MAGEA4: variants seen among roughly 807,000 people sequenced by gnomAD.
MAGEA4 encodes the protein melanoma-associated antigen 4.
A neutral mutation model predicts 13.7 loss-of-function variants in MAGEA4; 1 was observed. The observed-to-expected ratio is 0.07, with a 90% confidence interval of 0.03 to 0.35. The LOEUF (loss-of-function observed/expected upper bound fraction) is 0.35, where lower values mean the gene tolerates loss of function less well. Ranked by LOEUF, MAGEA4 falls within the 10% of genes least tolerant of loss-of-function variation. MAGEA4 has a pLI of 0.99. For synonymous variants in MAGEA4, 132 were observed against 101.1 expected (o/e 1.31, Z -1.83); for missense variants, 312 against 245.1 (o/e 1.27, Z -1.82).
At chrX:151,920,316 CCT>C (rs1171496216) in intron 1 of MAGEA4, among the ~76,000 whole-genome samples, 1 of 109,418 alleles carries the variant, frequency 9.1e-6, no homozygotes, top group Non-Finnish European at 1.9e-5. Flanking sequence ...GTCGGGAGGC[CCT>C]CTCCACCCCA....
At chrX:151,921,781 G>A (rs1406845605) in intron 1 of MAGEA4, among the ~76,000 whole-genome samples, 1 of 111,672 alleles carries the variant, frequency 9.0e-6, no homozygotes, top group African/African-American at 3.3e-5. Flanking sequence ...CAGGGTAGCA[G>A]AGGGAGGACC....
chrX:151,919,091 A>G (rs1233183399), intron 1 of MAGEA4: 1 of 737,515 alleles, frequency 1.4e-6, no homozygotes, highest in East Asian at 1.6e-4. Context: ...GACGACCCCA[A>G]ATAATCCCGC....
chrX:151,913,228 C>G (rs1739791216), intron 1 of MAGEA4, among the ~76,000 whole-genome samples: 1 of 110,035 alleles, frequency 9.1e-6, no homozygotes. Flanking sequence ...GCGTACCACA[C>G]CGCTATTCCC....
intron 1 of MAGEA4, chrX:151,919,768 C>T: frequency 1.3e-6 from 1 of 750,289 alleles, no homozygotes. Flanking sequence ...CGCAGATAGA[C>T]AATCCCAAAT....
At chrX:151,920,248 G>A (rs1386497644) in intron 1 of MAGEA4, among the ~76,000 whole-genome samples, 1 of 110,514 alleles carries the variant, frequency 9.0e-6, no homozygotes, top group Non-Finnish European at 1.9e-5. Flanking sequence ...GCTTGGGATT[G>A]GCAGAGGGAA....
intron 1 of MAGEA4, chrX:151,919,655 G>A (rs1307233999): frequency 2.7e-6 from 2 of 751,457 alleles, no homozygotes; most frequent in East Asian, 1.5e-4. Flanking sequence ...AGAAAAGCGA[G>A]CTGCTCTGTC....
chrX:151,924,131 C>T lies in MAGEA4; in HGVS notation c.467C>T (p.Ser156Phe). 1 of 1,212,126 alleles carries T rather than the reference C, an allele frequency of 8.2e-7. No homozygotes were observed. The highest frequency in any genetic ancestry group is 1.1e-6 in the Non-Finnish European group (1 of 895,652). Residue 156 changes from serine (S) to phenylalanine (F), a missense_variant, in exon 3 of 3, where the codon TCC (serine) becomes TTC (phenylalanine). Transcript: ENST00000276344. ...TTTCCTGTGATCTTCGGCAAAGCCTCCGAGTCCCTGAAGATGATCTTTGGC... is the reference window on the plus strand; with the variant it reads ...TTTCCTGTGATCTTCGGCAAAGCCTTCGAGTCCCTGAAGATGATCTTTGGC... ...RCFPVIFGKASESLKMIFGID... is the reference protein window; with the variant it reads ...RCFPVIFGKAFESLKMIFGID...
chrX:151,917,619 G>GCT (rs1335734761), intron 1 of MAGEA4: 159 of 202,488 alleles, frequency 7.9e-4, no homozygotes, highest in Non-Finnish European at 9.2e-4. Flanking sequence ...GAAGCGAGCT[G>GCT]CTGTCTGACC....
intron 1 of MAGEA4, chrX:151,919,155 G>T: frequency 1.7e-6 from 1 of 591,428 alleles, no homozygotes; most frequent in Non-Finnish European, 2.0e-6. Context: ...TGAGTCTGGG[G>T]CGCCCTCCAC....
In MAGEA4 at chrX:151,924,669, A is replaced by G. The variant is rs766271224; in HGVS notation, c.*51A>G. 8 of 1,126,140 alleles carry G rather than the reference A, an allele frequency of 7.1e-6. No homozygotes were observed. The South Asian group carries it at 1.3e-4, about 18-fold the overall frequency. 92.8% of individuals were successfully genotyped at this position (1,126,140 alleles called of 1,213,427 possible). A position where few individuals can be genotyped will look rare whatever the true frequency, so the allele number is the denominator to read the frequency against. ...GGAAGGGGCAGGGCTGGGCCAGTGC[A>G]TCTAACAGCCCTGTGCAGCAGCTTC... On this transcript the variant is annotated 3_prime_UTR_variant, in exon 3 of 3. Coordinates refer to ENST00000276344, the MANE Select transcript of MAGEA4 (RefSeq NM_001011548.1).
At position 151,912,989 on chromosome X, in the gene MAGEA4, C is replaced by G. The variant is rs933975956; in HGVS notation, c.-138+20C>G. 1 of 108,268 alleles carries G rather than the reference C, an allele frequency of 9.2e-6. No homozygotes were observed. Among genetic ancestry groups the G allele is most frequent in the African/African-American group, 3.5e-5 (1 of 28,459 alleles). 8.9% of individuals were successfully genotyped at this position (108,268 alleles called of 1,213,427 possible). A position where few individuals can be genotyped will look rare whatever the true frequency, so the allele number is the denominator to read the frequency against. On this transcript the variant is annotated intron_variant, in intron 1 of 2. Transcript: ENST00000276344. ...GACAAGGTGAGATGCTGAGGGAGGA[C>G]TCAGGAGGACCCCCACCCCACATAG...
chrX:151,921,863 G>A (rs866181749), intron 1 of MAGEA4, among the ~76,000 whole-genome samples: 6 of 35,093 alleles, frequency 1.7e-4, no homozygotes, highest in Admixed American at 1.1e-3. Flanking sequence ...ACCCCACCCC[G>A]TCTGAGAATG....
intron 1 of MAGEA4, among the ~76,000 whole-genome samples, chrX:151,920,731 G>C (rs1413159802): frequency 1.5e-4 from 16 of 103,354 alleles, no homozygotes; most frequent in African/African-American, 5.7e-4. Flanking sequence ...GGCAAGCCCT[G>C]GGTGGCCGGA....
At position 151,924,104 on chromosome X, in the gene MAGEA4, G is replaced by C; in HGVS notation, c.440G>C (p.Cys147Ser). Residue 147 changes from cysteine (C) to serine (S), a missense_variant, in exon 3 of 3, where the codon TGC (cysteine) becomes TCC (serine). Coordinates refer to ENST00000276344, the MANE Select transcript of MAGEA4 (RefSeq NM_001011548.1). ...LERVIKNYKR[C>S]FPVIFGKASE... The stretch of plus-strand genomic sequence containing the variant: ...AGAGTCATCAAAAATTACAAGCGCT[G>C]CTTTCCTGTGATCTTCGGCAAAGCC... The C allele has an allele frequency of 8.2e-7, 1 of 1,212,172 alleles. No homozygotes were observed. Among genetic ancestry groups the C allele is most frequent in the Non-Finnish European group, 1.1e-6 (1 of 895,662 alleles).
intron 1 of MAGEA4, chrX:151,918,128 T>G (rs1933163820): frequency 6.5e-5 from 2 of 30,565 alleles, no homozygotes; most frequent in Non-Finnish European, 1.2e-4. Context: ...CGGGTTCCGC[T>G]TCCGCTTTCA....
chrX:151,923,949 G>A lies in MAGEA4; in HGVS notation c.285G>A (p.Gly95=). The A allele has an allele frequency of 8.3e-7, 1 of 1,211,527 alleles. No individual in the cohort carries two copies. Among genetic ancestry groups the A allele is most frequent in the Non-Finnish European group, 1.1e-6 (1 of 895,369 alleles). ...NEGSSSQEEE[G]PSTSPDAESL... ...GTTCCAGCAGCCAAGAAGAGGAGGG[G>A]CCAAGCACCTCGCCTGACGCAGAGT... Residue 95 remains glycine (G), a synonymous_variant, in exon 3 of 3, where the codon GGG becomes GGA. Transcript: ENST00000276344.
rs746613627 is a variant in MAGEA4, at chrX:151,923,883, C to T, written c.219C>T (p.Pro73=). 3 of 1,211,672 alleles carry T rather than the reference C, an allele frequency of 2.5e-6. No individual in the cohort carries two copies. Among genetic ancestry groups the T allele is most frequent in the Non-Finnish European group, 3.3e-6 (3 of 895,529 alleles). ...PQSPQGASAL[P]TTISFTCWRQ... Reference sequence around the variant, plus strand: ...GTCCTCAGGGAGCCTCTGCCTTACCCACTACCATCAGCTTCACTTGCTGGA... The same window carrying T: ...GTCCTCAGGGAGCCTCTGCCTTACCTACTACCATCAGCTTCACTTGCTGGA... The change falls in exon 3 of 3, where the codon CCC becomes CCT. Residue 73 remains proline, a synonymous_variant. Transcript: ENST00000276344.
rs78850862 is a variant in MAGEA4, at chrX:151,924,468, G to T, written c.804G>T (p.Ala268=). The T allele has an allele frequency of 2.5e-3, 3,060 of 1,210,322 alleles. 8 individuals carry two copies. Among genetic ancestry groups the T allele is most frequent in the Non-Finnish European group, 3.1e-3 (2,798 of 895,298 alleles). The change falls in exon 3 of 3, where the codon GCG becomes GCT. Residue 268 remains alanine, a synonymous_variant. Transcript: ENST00000276344. ...EYRQVPGSNP[A]RYEFLWGPRA... ...GGCAGGTACCCGGCAGTAATCCTGC[G>T]CGCTATGAGTTCCTGTGGGGTCCAA...
Position 151,924,115 on chromosome X carries a change from A to G in MAGEA4, c.451A>G (p.Ile151Val). The G allele has an allele frequency of 8.3e-6, 10 of 1,212,003 alleles. No homozygotes were observed. The highest frequency in any genetic ancestry group is 1.1e-5 in the Non-Finnish European group (10 of 895,594). Reference protein sequence around the residue: ...IKNYKRCFPVIFGKASESLKM... With the variant: ...IKNYKRCFPVVFGKASESLKM... ...AAATTACAAGCGCTGCTTTCCTGTG[A>G]TCTTCGGCAAAGCCTCCGAGTCCCT... The change falls in exon 3 of 3, where the codon ATC becomes GTC. Residue 151 changes from isoleucine to valine, a missense_variant. Ile to Val is a conservative substitution (Grantham distance 29). Coordinates refer to ENST00000276344, the MANE Select transcript of MAGEA4 (RefSeq NM_001011548.1).
Sources: allele counts gnomAD v4.1 joint callset (sites outside exome capture counted in the v4.1 genomes callset), GRCh38; gene constraint gnomAD v4.1.1; transcripts MANE v1.5; gene names NCBI Gene and HGNC (gene_info 2026-07-23, HGNC 2026-07-21).